Variants in ITPK1 observed in about 807,000 individuals in gnomAD.
ITPK1 encodes the protein inositol-tetrakisphosphate 1-kinase.
In ITPK1, 21 loss-of-function variants were observed where a neutral mutation model predicts 45.3. The ratio of observed to expected loss-of-function variants is 0.46; its 90% CI spans 0.33 to 0.67. ITPK1 has a LOEUF of 0.67. ITPK1 is among the 30% of genes least tolerant of loss of function. ITPK1 has a pLI of 0.02. For synonymous variants in ITPK1, 258 were observed against 253.6 expected (o/e 1.02, Z -0.16); for missense variants, 474 against 573.5 (o/e 0.83, Z 1.77).
intron 3 of ITPK1, among the ~76,000 whole-genome samples, chr14:93,042,482 T>G (rs1227421253): frequency 1.3e-5 from 2 of 152,104 alleles, no homozygotes; most frequent in Non-Finnish European, 2.9e-5. Flanking sequence ...CTGCGATCTC[T>G]CTAGTTTTGA....
At chr14:92,975,271 C>A (rs1449455511) in intron 5 of ITPK1, among the ~76,000 whole-genome samples, 1 of 152,364 alleles carries the variant, frequency 6.6e-6, no homozygotes, top group East Asian at 1.9e-4. Flanking sequence ...CTCAATCAAG[C>A]TCCGCCACAG....
At chr14:92,965,275 A>T (rs1885285257) in intron 5 of ITPK1, among the ~76,000 whole-genome samples, 1 of 152,260 alleles carries the variant, frequency 6.6e-6, no homozygotes, top group Non-Finnish European at 1.5e-5. Context: ...CCACATGATC[A>T]TCTCAATGGA....
At chr14:92,948,936 G>GGAC (rs1887822857) in intron 9 of ITPK1, among the ~76,000 whole-genome samples, 1 of 152,148 alleles carries the variant, frequency 6.6e-6, no homozygotes, top group South Asian at 2.1e-4. Context: ...ACGCTCTGAG[G>GGAC]CCTACACCAG....
chr14:93,091,377 C>T (rs1285566489), intron 2 of ITPK1, among the ~76,000 whole-genome samples: 1 of 152,222 alleles, frequency 6.6e-6, no homozygotes, highest in South Asian at 2.1e-4. Flanking sequence ...AAGCACCAGG[C>T]CAGGAAGCCC....
At chr14:93,093,333 G>A (rs1048384243) in intron 2 of ITPK1, among the ~76,000 whole-genome samples, 4 of 152,206 alleles carry the variant, frequency 2.6e-5, no homozygotes, top group Non-Finnish European at 5.9e-5. Context: ...CGGCCAGGCC[G>A]TTTCGGCCCT....
intron 5 of ITPK1, among the ~76,000 whole-genome samples, chr14:92,986,692 G>C (rs1235003783): frequency 6.6e-6 from 1 of 152,150 alleles, no homozygotes; most frequent in Non-Finnish European, 1.5e-5. Flanking sequence ...TGGGTGGAGG[G>C]GCCTTCTTGT....
At chr14:93,081,225 T>C (rs1024231264) in intron 2 of ITPK1, among the ~76,000 whole-genome samples, 3 of 151,786 alleles carry the variant, frequency 2.0e-5, no homozygotes, top group Non-Finnish European at 4.4e-5. Context: ...TCCCAGCTAC[T>C]TGGGAGGCTG....
At position 93,076,553 on chromosome 14, in the gene ITPK1, C is replaced by T; in HGVS notation, c.120+42G>A. On this transcript the variant is annotated intron_variant, in intron 3 of 10. Coordinates refer to ENST00000267615, the MANE Select transcript of ITPK1 (RefSeq NM_014216.6). The surrounding 1 kb of genome is among the most constrained non-coding windows in gnomAD (Gnocchi z 4.3). ...GAGACAGAGAGGTGGGCACCAAGGG[C>T]CCCACTACCCAAAGAACCACGGGGA... is the stretch of plus-strand genomic sequence containing the variant. 1.2e-6 allele frequency: 2 copies of T among 1,609,416 alleles called. No homozygotes were observed. Among genetic ancestry groups the T allele is most frequent in the African/African-American group, 2.7e-5 (2 of 74,936 alleles).
rs944390696 is a variant in ITPK1, at chr14:93,076,726, G to A, written c.96-107C>T. 3.7e-6 allele frequency: 5 copies of A among 1,350,102 alleles called. No homozygotes were observed. The African/African-American group carries it at 4.3e-5, about 12-fold the overall frequency. 83.6% of individuals were successfully genotyped at this position (1,350,102 alleles called of 1,614,324 possible). ...GGGCAGGACCATGAGAGGGTTTCAG[G>A]AGGGAGCCGGCAGCTGCGCCTCTCC... On this transcript the variant is annotated intron_variant, in intron 2 of 10. Coordinates refer to ENST00000267615, the MANE Select transcript of ITPK1 (RefSeq NM_014216.6). This position sits in a 1 kb window ranked among gnomAD's most constrained non-coding sequence, Gnocchi z 4.3.
At chr14:93,011,516 T>C (rs1207394206) in intron 4 of ITPK1, among the ~76,000 whole-genome samples, 2 of 152,224 alleles carry the variant, frequency 1.3e-5, no homozygotes, top group Non-Finnish European at 1.5e-5. Flanking sequence ...TCTTCCGGCA[T>C]CCTTCGGGGC....
At chr14:93,064,154 G>A (rs1050729698) in intron 3 of ITPK1, among the ~76,000 whole-genome samples, 20 of 152,170 alleles carry the variant, frequency 1.3e-4, no homozygotes, top group Non-Finnish European at 1.9e-4. Context: ...GTGGTGGCGG[G>A]CACCTGTAGT....
At chr14:92,949,366 T>C (rs1887849914) in intron 9 of ITPK1, among the ~76,000 whole-genome samples, 1 of 152,162 alleles carries the variant, frequency 6.6e-6, no homozygotes, top group Admixed American at 6.5e-5. Context: ...TCCCAAAGTG[T>C]TGGGATTAAA....
At chr14:93,101,942 C>G (rs986175086) in intron 2 of ITPK1, among the ~76,000 whole-genome samples, 1 of 152,208 alleles carries the variant, frequency 6.6e-6, no homozygotes, top group Non-Finnish European at 1.5e-5. Context: ...TGTTAGCGCT[C>G]AGCACCATGT....
chr14:93,041,510 G>A (rs1889560558), intron 3 of ITPK1, among the ~76,000 whole-genome samples: 1 of 152,236 alleles, frequency 6.6e-6, no homozygotes, highest in Non-Finnish European at 1.5e-5. Flanking sequence ...GAAAACACAG[G>A]AAGCTGGGAG....
chr14:93,066,034 T>C (rs12433029), intron 3 of ITPK1, among the ~76,000 whole-genome samples: 2,391 of 152,336 alleles, frequency 0.016, 74 homozygotes, highest in African/African-American at 0.054. Context: ...GGGTTTTCAT[T>C]TGTGAGCCTA....
intron 5 of ITPK1, among the ~76,000 whole-genome samples, chr14:92,982,939 T>C (rs945633883): frequency 4.6e-5 from 7 of 152,194 alleles, no homozygotes; most frequent in African/African-American, 1.7e-4. Context: ...ACAGGCAAGC[T>C]GTGGAGAGAA....
intron 4 of ITPK1, among the ~76,000 whole-genome samples, chr14:93,003,139 G>A (rs1887434783): frequency 6.6e-6 from 1 of 152,240 alleles, no homozygotes; most frequent in African/African-American, 2.4e-5. Flanking sequence ...GGCCCCTGCA[G>A]GGGGAGGACT....
chr14:93,002,229 T>C (rs1887390557), intron 4 of ITPK1, among the ~76,000 whole-genome samples: 1 of 152,110 alleles, frequency 6.6e-6, no homozygotes, highest in African/African-American at 2.4e-5. Context: ...GGTGCGCACC[T>C]ACTCAGGAGG....
intron 4 of ITPK1, among the ~76,000 whole-genome samples, chr14:93,003,186 G>A (rs1042719560): frequency 1.6e-4 from 24 of 152,178 alleles, no homozygotes; most frequent in Non-Finnish European, 5.9e-5. Flanking sequence ...TTGTACTTTC[G>A]AAGGCAGAAA....
Sources: gnomAD v4.1 joint callset for allele counts (sites outside exome capture counted in the v4.1 genomes callset) on GRCh38, gnomAD v4.1.1 for gene constraint, Gnocchi (gnomAD v3.1) non-coding constraint, MANE v1.5 for transcripts, NCBI Gene and HGNC (gene_info 2026-07-23, HGNC 2026-07-21) for gene names.